The following RELB variants were observed in gnomAD, a reference collection of about 807,000 sequenced individuals.
RELB encodes transcription factor RelB.
RELB carries 14 observed loss-of-function variants against 55.4 expected under a neutral mutation model. That is an observed-to-expected ratio of 0.25 (90% CI 0.17 to 0.40). The LOEUF (loss-of-function observed/expected upper bound fraction) is 0.40, where lower values mean the gene tolerates loss of function less well. Among genes scored for constraint, RELB ranks in the 10% least tolerant of loss-of-function variants. The pLI is 1.00. For missense variants in RELB, 669 were observed against 830.7 expected (o/e 0.81, Z 2.39); for synonymous variants, 409 against 371.3 (o/e 1.10, Z -1.17).
chr19:45,006,968 A>G (rs1027134628), intron 2 of RELB, among the ~76,000 whole-genome samples: 13 of 151,878 alleles, frequency 8.6e-5, no homozygotes, highest in Non-Finnish European at 1.6e-4. Context: ...AAAAAAAAAA[A>G]AAAAGAAAAT....
In RELB at chr19:45,028,883, C is replaced by T. The variant is rs765957520; in HGVS notation, c.887-5C>T. On this transcript the variant is annotated splice_region_variant and splice_polypyrimidine_tract_variant and intron_variant, in intron 7 of 11. Transcript: ENST00000221452. ...AATACACTTCTTCCTCTTGCTCCTT[C>T]CCAGAATCCACAAACACATCAGAGC... 3.2e-6 allele frequency: 5 copies of T among 1,583,162 alleles called. No individual in the cohort carries two copies. The Admixed American group carries it at 9.1e-5, about 29-fold the overall frequency.
intron 2 of RELB, among the ~76,000 whole-genome samples, chr19:45,009,475 G>T (rs753885883): frequency 6.6e-6 from 1 of 152,164 alleles, no homozygotes; most frequent in Non-Finnish European, 1.5e-5. Flanking sequence ...GGAAATTTGG[G>T]CATCCACTTT....
chr19:45,024,819 A>T (rs1313833188), intron 5 of RELB, among the ~76,000 whole-genome samples: 3 of 151,748 alleles, frequency 2.0e-5, no homozygotes, highest in Admixed American at 6.6e-5. Flanking sequence ...AAGTGCTGGG[A>T]TTCTACAGAT....
intron 3 of RELB, 94 bp downstream of exon 3, chr19:45,009,916 A>C: frequency 8.0e-7 from 1 of 1,252,338 alleles, no homozygotes; most frequent in African/African-American, 1.5e-5. Context: ...GGGGTGGGGG[A>C]GAGGTGTCAC....
chr19:45,022,278 C>T (rs1482015953), intron 5 of RELB, 68 bp downstream of exon 5: 9 of 1,466,196 alleles, frequency 6.1e-6, no homozygotes, highest in East Asian at 2.4e-5. Flanking sequence ...GGAGGCCACC[C>T]ATGAAACTTT....
At chr19:45,008,703 A>C in intron 2 of RELB, 1 of 356,420 alleles carries the variant, frequency 2.8e-6, no homozygotes, top group Non-Finnish European at 5.7e-6. Context: ...AGAGGAGGAC[A>C]GATCTAGCAG....
intron 11 of RELB, among the ~76,000 whole-genome samples, chr19:45,036,863 T>C (rs899911509): frequency 6.6e-6 from 1 of 152,134 alleles, no homozygotes; most frequent in Non-Finnish European, 1.5e-5. Context: ...ATAATTTTTT[T>C]GTAGAGACAG....
intron 2 of RELB, among the ~76,000 whole-genome samples, chr19:45,003,986 C>T (rs189581173): frequency 4.4e-5 from 5 of 113,306 alleles, no homozygotes; most frequent in Admixed American, 1.3e-4. Context: ...TACATTGATG[C>T]GATTTTGACT....
chr19:45,021,163 G>A (rs996275785), intron 4 of RELB, among the ~76,000 whole-genome samples: 1 of 151,648 alleles, frequency 6.6e-6, no homozygotes, highest in African/African-American at 2.4e-5. Flanking sequence ...GTGATACAGC[G>A]AGACCCTGTC....
chr19:45,036,963 C>T (rs1184593721), intron 11 of RELB, among the ~76,000 whole-genome samples: 1 of 152,046 alleles, frequency 6.6e-6, no homozygotes, highest in Non-Finnish European at 1.5e-5. Flanking sequence ...GATAGTCCCA[C>T]ACGGATTCTC....
chr19:45,020,836 C>T (rs939726320), intron 4 of RELB, among the ~76,000 whole-genome samples: 47 of 151,850 alleles, frequency 3.1e-4, no homozygotes, highest in Admixed American at 1.3e-4. Context: ...GGATTACAGG[C>T]GTGAGCCACC....
At chr19:45,035,093 C>T (rs1244220576) in intron 11 of RELB, among the ~76,000 whole-genome samples, 2 of 151,992 alleles carry the variant, frequency 1.3e-5, no homozygotes, top group Non-Finnish European at 2.9e-5. Flanking sequence ...CTGCTTGCCT[C>T]AGCCTCCCAA....
At chr19:45,014,869 T>C (rs979768807) in intron 4 of RELB, among the ~76,000 whole-genome samples, 9 of 149,972 alleles carry the variant, frequency 6.0e-5, no homozygotes, top group African/African-American at 2.0e-4. Flanking sequence ...TGCCTAACCA[T>C]AGGGAATGAC....
At chr19:45,020,810 G>A (rs958369120) in intron 4 of RELB, among the ~76,000 whole-genome samples, 2 of 150,358 alleles carry the variant, frequency 1.3e-5, no homozygotes, top group African/African-American at 4.9e-5. Flanking sequence ...GCCCGTCTCA[G>A]CCTCCCAAAG....
At chr19:45,005,842 G>C (rs1308736327) in intron 2 of RELB, among the ~76,000 whole-genome samples, 1 of 152,142 alleles carries the variant, frequency 6.6e-6, no homozygotes, top group East Asian at 1.9e-4. Flanking sequence ...GGCCTCAAGC[G>C]ATCTGCCTGC....
At chr19:45,024,995 G>A (rs867420537) in intron 5 of RELB, among the ~76,000 whole-genome samples, 4 of 152,068 alleles carry the variant, frequency 2.6e-5, no homozygotes, top group African/African-American at 9.7e-5. Flanking sequence ...GAGTAGCTGG[G>A]ATTACAGGCA....
chr19:45,037,558 A>G lies in RELB; in HGVS notation c.1508A>G (p.Asp503Gly). 1.9e-6 allele frequency: 3 copies of G among 1,612,858 alleles called. No individual in the cohort carries two copies. Among genetic ancestry groups the G allele is most frequent in the Non-Finnish European group, 2.5e-6 (3 of 1,179,494 alleles). ...PTAPTLFTML[D>G]LLPPAPPHAS... ...GCCCCCACACTCTTCACCATGCTGG[A>G]CCTGCTGCCCCCGGCACCGCCACAC... Residue 503 changes from aspartate to glycine, a missense_variant, in exon 12 of 12, where the codon GAC (aspartate) becomes GGC (glycine). By Grantham distance (94) the Asp-to-Gly change is moderately conservative. Transcript: ENST00000221452.
Position 45,012,141 on chromosome 19 carries a change from G to T in RELB, c.369G>T (p.Pro123=). 6.4e-7 allele frequency: 1 copy of T among 1,558,422 alleles called. No homozygotes were observed. The highest frequency in any genetic ancestry group is 8.6e-7 in the Non-Finnish European group (1 of 1,161,488). ...RLVSPAPGPG[P]QPHLVITEQP... is the part of the protein sequence containing the mutation. ...TGTCCCCAGCGCCGGGCCCGGGCCCGCAGCCGCACCTGGTCATCACGGAGC... is the reference window on the plus strand; with the variant it reads ...TGTCCCCAGCGCCGGGCCCGGGCCCTCAGCCGCACCTGGTCATCACGGAGC... The change falls in exon 4 of 12, where the codon CCG becomes CCT. Residue 123 remains proline (P), a synonymous_variant. Coordinates refer to ENST00000221452, the MANE Select transcript of RELB (RefSeq NM_006509.4).
chr19:45,008,204 A>G (rs567593270), intron 2 of RELB, among the ~76,000 whole-genome samples: 3 of 151,934 alleles, frequency 2.0e-5, no homozygotes, highest in African/African-American at 7.2e-5. Context: ...AAATAAAATA[A>G]AATATTAAAT....
Sources: allele counts gnomAD v4.1 joint callset (sites outside exome capture counted in the v4.1 genomes callset), GRCh38; gene constraint gnomAD v4.1.1; transcripts MANE v1.5; gene names NCBI Gene and HGNC (gene_info 2026-07-23, HGNC 2026-07-21).